The following TAF1B variants were observed in gnomAD, a reference collection of about 807,000 sequenced individuals.
TAF1B encodes the protein TATA-box binding protein associated factor, RNA polymerase I subunit B, also known as TATA box-binding protein-associated factor RNA polymerase I subunit B.
In TAF1B, 61 loss-of-function variants were observed where a neutral mutation model predicts 83.9. That is an observed-to-expected ratio of 0.73 (90% CI 0.59 to 0.90). The LOEUF (loss-of-function observed/expected upper bound fraction) is 0.90. TAF1B is among the 40% of genes least tolerant of loss of function. The pLI is 0.00. For synonymous variants in TAF1B, 221 were observed against 224.6 expected (o/e 0.98, Z 0.14); for missense variants, 625 against 677.0 (o/e 0.92, Z 0.85).
At chr2:9,910,585 G>A (rs1665497599) in intron 9 of TAF1B, 151 bp from the exon 10 acceptor site, 1 of 577,226 alleles carries the variant, frequency 1.7e-6, no homozygotes, top group Admixed American at 3.4e-5. Context: ...TTTTCTATAT[G>A]GATGCCATGT....
chr2:9,903,275 G>T (rs409920), intron 8 of TAF1B, among the ~76,000 whole-genome samples: 76,962 of 151,600 alleles, frequency 0.51, 22,851 homozygotes, highest in Non-Finnish European at 0.68. Context: ...TTAGTAGAGA[G>T]GGGGTTTCAC....
intron 7 of TAF1B, among the ~76,000 whole-genome samples, chr2:9,881,355 A>C (rs1156563735): frequency 1.3e-5 from 2 of 152,068 alleles, no homozygotes; most frequent in African/African-American, 4.8e-5. Context: ...AAAGTGTTGA[A>C]TCAGTTTTGT....
intron 8 of TAF1B, among the ~76,000 whole-genome samples, chr2:9,897,971 TC>T (rs1383627004): frequency 7.0e-6 from 1 of 143,400 alleles, no homozygotes; most frequent in African/African-American, 2.6e-5. Context: ...CTGGCCCACT[TC>T]CCCCAACCCC....
chr2:9,849,056 A>G (rs1404657378), intron 2 of TAF1B, among the ~76,000 whole-genome samples: 1 of 152,228 alleles, frequency 6.6e-6, no homozygotes, highest in Non-Finnish European at 1.5e-5. Context: ...TGTGGAGAAA[A>G]AAGTGAGTAG....
At position 9,851,396 on chromosome 2, in the gene TAF1B, A is replaced by G. The variant is rs928670733; in HGVS notation, c.206-145A>G. On this transcript the variant is annotated intron_variant, in intron 3 of 14. Transcript: ENST00000263663. The stretch of plus-strand genomic sequence containing the variant: ...CTCTTGAATGGTACAAAAAAATTCA[A>G]GATGCTAAGCTGCTAAGTTCTGGGT... 2.9e-5 allele frequency: 15 copies of G among 512,218 alleles called. No individual in the cohort carries two copies. In the African/African-American group the frequency reaches 3.0e-4, roughly 10 times the overall value. 31.7% of individuals were successfully genotyped at this position (512,218 alleles called of 1,614,324 possible). A position where few individuals can be genotyped will look rare whatever the true frequency, so the allele number is the denominator to read the frequency against.
chr2:9,930,892 T>G (rs1666189908), intron 14 of TAF1B, among the ~76,000 whole-genome samples: 1 of 152,260 alleles, frequency 6.6e-6, no homozygotes, highest in Non-Finnish European at 1.5e-5. Context: ...TTAGCTCTTC[T>G]TGTTGAATTG....
At chr2:9,873,104 G>A (rs938420236) in intron 6 of TAF1B, among the ~76,000 whole-genome samples, 1 of 152,094 alleles carries the variant, frequency 6.6e-6, no homozygotes, top group Non-Finnish European at 1.5e-5. Context: ...TCATTTCACT[G>A]GGATGAAATC....
intron 5 of TAF1B, among the ~76,000 whole-genome samples, chr2:9,857,945 C>A (rs1373377897): frequency 6.6e-6 from 1 of 152,148 alleles, no homozygotes; most frequent in African/African-American, 2.4e-5. Flanking sequence ...CAAACCATAT[C>A]ATTCCACCCC....
chr2:9,843,465 T>C, upstream of TAF1B: 1 of 1,359,220 alleles, frequency 7.4e-7, no homozygotes, highest in Non-Finnish European at 1.0e-6. Flanking sequence ...GGCCGGAAGC[T>C]TCTCCAGCCT....
In TAF1B at chr2:9,900,408, G is replaced by T. The variant is rs1054165357; in HGVS notation, c.808-4451G>T. Among the ~76,000 whole-genome samples, 6 of 152,170 alleles carry T rather than the reference G, an allele frequency of 3.9e-5. No homozygotes were observed. The South Asian group carries it at 1.2e-3, about 32-fold the overall frequency. On this transcript the variant is annotated intron_variant, in intron 8 of 14. Coordinates refer to ENST00000263663, the MANE Select transcript of TAF1B (RefSeq NM_005680.3). ...AAATTAGCTGGGTGTGGTGGTGCAT[G>T]CCTATAGTCTCAGCCTACCCAGAAG...
chr2:9,929,742 A>G (rs1263894256), intron 14 of TAF1B, among the ~76,000 whole-genome samples: 2 of 152,088 alleles, frequency 1.3e-5, no homozygotes, highest in Non-Finnish European at 2.9e-5. Context: ...TGTTGATTGG[A>G]ATAGTTTCAG....
intron 5 of TAF1B, among the ~76,000 whole-genome samples, chr2:9,855,564 G>T (rs1488458593): frequency 1.3e-5 from 2 of 152,050 alleles, no homozygotes; most frequent in Non-Finnish European, 2.9e-5. Context: ...GCCCTATATA[G>T]TCCCAGCTAC....
Position 9,900,063 on chromosome 2 carries a change from C to T in TAF1B, c.808-4796C>T, listed in dbSNP as rs1009498007. 2.6e-5 allele frequency among the ~76,000 whole-genome samples: 4 copies of T among 152,110 alleles called. No individual in the cohort carries two copies. In the East Asian group the frequency reaches 5.8e-4, roughly 22 times the overall value. The stretch of plus-strand genomic sequence containing the variant: ...AAAATAATGTTCTCACAGGCTATCT[C>T]GTGGCATTAGAAAATTCTCACAAAA... On this transcript the variant is annotated intron_variant, in intron 8 of 14. Coordinates refer to ENST00000263663, the MANE Select transcript of TAF1B (RefSeq NM_005680.3).
chr2:9,910,605 T>G, intron 9 of TAF1B, 131 bp from the exon 10 acceptor site: 1 of 678,180 alleles, frequency 1.5e-6, no homozygotes, highest in Non-Finnish European at 2.3e-6. Context: ...TTTTGATGTT[T>G]TATTCACAAA....
chr2:9,926,235 C>T (rs1280340732), intron 14 of TAF1B, among the ~76,000 whole-genome samples: 1 of 152,112 alleles, frequency 6.6e-6, no homozygotes, highest in Non-Finnish European at 1.5e-5. Context: ...TTAATATTCT[C>T]CAATATGCAG....
At chr2:9,897,742 A>G (rs1476733283) in intron 8 of TAF1B, among the ~76,000 whole-genome samples, 1 of 152,218 alleles carries the variant, frequency 6.6e-6, no homozygotes, top group Non-Finnish European at 1.5e-5. Flanking sequence ...TCTGCCCAGA[A>G]TCTTCAAACC....
chr2:9,902,729 T>C (rs1381031505), intron 8 of TAF1B, among the ~76,000 whole-genome samples: 3 of 152,256 alleles, frequency 2.0e-5, no homozygotes, highest in African/African-American at 7.2e-5. Context: ...TTTATGGGCA[T>C]GCATACGCAT....
intron 8 of TAF1B, among the ~76,000 whole-genome samples, chr2:9,895,741 T>A (rs438762): frequency 0.28 from 42,291 of 151,774 alleles, 6,887 homozygotes; most frequent in Middle Eastern, 0.4. Context: ...AGGTGCACTT[T>A]GCATTAGCTT....
chr2:9,907,278 G>A (rs565001913), intron 9 of TAF1B, among the ~76,000 whole-genome samples: 5 of 151,422 alleles, frequency 3.3e-5, no homozygotes, highest in African/African-American at 9.7e-5. Flanking sequence ...AATGTTTACA[G>A]TTGGTTTGCA....
Sources: gnomAD v4.1 joint callset for allele counts (sites outside exome capture counted in the v4.1 genomes callset) on GRCh38, gnomAD v4.1.1 for gene constraint, MANE v1.5 for transcripts, NCBI Gene and HGNC (gene_info 2026-07-23, HGNC 2026-07-21) for gene names.